RNF180: variants seen among roughly 807,000 people sequenced by gnomAD.
RNF180 encodes ring finger protein 180, also known as E3 ubiquitin-protein ligase RNF180.
RNF180 carries 38 observed loss-of-function variants against 59.2 expected under a neutral mutation model. That is an observed-to-expected ratio of 0.64 (90% CI 0.50 to 0.84). RNF180 has a LOEUF of 0.84. RNF180 is among the 40% of genes least tolerant of loss of function. The pLI, the probability that RNF180 is intolerant of heterozygous loss-of-function variation, is 0.00. For missense variants in RNF180, 705 were observed against 700.9 expected (o/e 1.01, Z -0.07); for synonymous variants, 262 against 240.3 (o/e 1.09, Z -0.84).
chr5:64,174,256 T>C (rs1750108476), intron 1 of RNF180, among the ~76,000 whole-genome samples: 1 of 152,200 alleles, frequency 6.6e-6, no homozygotes, highest in Non-Finnish European at 1.5e-5. Flanking sequence ...TGAATAGTAC[T>C]GTAATAAACA....
At chr5:64,213,322 T>C (rs1423943510) in intron 3 of RNF180, among the ~76,000 whole-genome samples, 2 of 152,182 alleles carry the variant, frequency 1.3e-5, no homozygotes, top group African/African-American at 4.8e-5. Flanking sequence ...CTTAGGAATA[T>C]TGTTTGGATG....
At chr5:64,369,241 A>G (rs1012578036) in intron 7 of RNF180, among the ~76,000 whole-genome samples, 1 of 152,012 alleles carries the variant, frequency 6.6e-6, no homozygotes, top group Non-Finnish European at 1.5e-5. Context: ...GTTCTCACTT[A>G]TAGATGGGAA....
chr5:64,349,535 C>A (rs977388401), intron 7 of RNF180, among the ~76,000 whole-genome samples: 1 of 151,782 alleles, frequency 6.6e-6, no homozygotes, highest in African/African-American at 2.4e-5. Context: ...CACCCATTAA[C>A]TCATCATTTA....
At chr5:64,245,504 A>G (rs1466646378) in intron 5 of RNF180, among the ~76,000 whole-genome samples, 1 of 152,230 alleles carries the variant, frequency 6.6e-6, no homozygotes, top group African/African-American at 2.4e-5. Context: ...ACCAACAGAG[A>G]TCAAAAAAGA....
intron 5 of RNF180, among the ~76,000 whole-genome samples, chr5:64,279,723 T>C (rs969487498): frequency 3.9e-5 from 6 of 152,190 alleles, no homozygotes; most frequent in Non-Finnish European, 8.8e-5. Flanking sequence ...GAGTTATCTT[T>C]AATCCTACTA....
At chr5:64,187,250 A>G (rs1314425980) in intron 1 of RNF180, among the ~76,000 whole-genome samples, 2 of 152,186 alleles carry the variant, frequency 1.3e-5, no homozygotes, top group Admixed American at 1.3e-4. Flanking sequence ...ATGGGACAGG[A>G]TATGAAGTAC....
chr5:64,207,539 A>G (rs1752079224), intron 2 of RNF180, among the ~76,000 whole-genome samples: 1 of 152,176 alleles, frequency 6.6e-6, no homozygotes, highest in South Asian at 2.1e-4. Flanking sequence ...TAAGTCAAAG[A>G]CTTTGATCTT....
At chr5:64,170,088 G>A (rs1749859624) in intron 1 of RNF180, among the ~76,000 whole-genome samples, 2 of 152,224 alleles carry the variant, frequency 1.3e-5, no homozygotes, top group Admixed American at 6.5e-5. Flanking sequence ...GCATGAGGTT[G>A]CCTGTGTATA....
rs562366940 is a variant in RNF180, at chr5:64,261,043, A to G, written c.1227+43647A>G. 1.5e-3 allele frequency among the ~76,000 whole-genome samples: 224 copies of G among 152,172 alleles called. 1 individual carries two copies. Among genetic ancestry groups the G allele is most frequent in the African/African-American group, 5.2e-3 (214 of 41,528 alleles). ...TAATGTTCCAAATAGGAAAAAACCTAAAGAAGATACATTTCTTTGATGTCA... is the reference window on the plus strand; with the variant it reads ...TAATGTTCCAAATAGGAAAAAACCTGAAGAAGATACATTTCTTTGATGTCA... On this transcript the variant is annotated intron_variant, in intron 5 of 7. Coordinates refer to ENST00000389100, the MANE Select transcript of RNF180 (RefSeq NM_001113561.2).
At chr5:64,263,690 A>C (rs931800458) in intron 5 of RNF180, among the ~76,000 whole-genome samples, 1 of 152,066 alleles carries the variant, frequency 6.6e-6, no homozygotes, top group Non-Finnish European at 1.5e-5. Context: ...TATTTTACCT[A>C]ATTTACTTAC....
intron 7 of RNF180, among the ~76,000 whole-genome samples, chr5:64,331,812 C>T (rs1744921406): frequency 6.6e-6 from 1 of 152,158 alleles, no homozygotes; most frequent in Non-Finnish European, 1.5e-5. Flanking sequence ...CTTTGAGGAG[C>T]CCAGATGTAG....
chr5:64,339,954 T>C (rs1305048578), intron 7 of RNF180, among the ~76,000 whole-genome samples: 1 of 152,190 alleles, frequency 6.6e-6, no homozygotes, highest in East Asian at 1.9e-4. Flanking sequence ...ATGTGAGCTA[T>C]CACTCTTTAA....
chr5:64,332,853 AG>A (rs1312302771), intron 7 of RNF180, among the ~76,000 whole-genome samples: 1 of 152,170 alleles, frequency 6.6e-6, no homozygotes, highest in Non-Finnish European at 1.5e-5. Flanking sequence ...CTTCTGCATA[AG>A]ACCAACAAAA....
intron 1 of RNF180, among the ~76,000 whole-genome samples, chr5:64,198,818 A>AT (rs60172784): frequency 0.051 from 7,537 of 146,610 alleles, 475 homozygotes; most frequent in African/African-American, 0.15. Context: ...AAATTAAACA[A>AT]TTTTTTTTTT....
intron 1 of RNF180, among the ~76,000 whole-genome samples, chr5:64,190,058 G>C (rs1751064172): frequency 6.6e-6 from 1 of 152,134 alleles, no homozygotes; most frequent in South Asian, 2.1e-4. Flanking sequence ...CATCTCTTCA[G>C]TTTTAGCAGT....
chr5:64,246,092 G>A (rs563142277), intron 5 of RNF180, among the ~76,000 whole-genome samples: 10 of 151,832 alleles, frequency 6.6e-5, no homozygotes, highest in East Asian at 5.8e-4. Flanking sequence ...TCAACATACC[G>A]GAATTTCTGG....
At chr5:64,287,122 A>G (rs1453996328) in intron 5 of RNF180, among the ~76,000 whole-genome samples, 1 of 152,080 alleles carries the variant, frequency 6.6e-6, no homozygotes, top group African/African-American at 2.4e-5. Flanking sequence ...ACCTGCCACC[A>G]CACCTGGCTG....
At chr5:64,313,400 C>T (rs1168877161) in intron 5 of RNF180, among the ~76,000 whole-genome samples, 1 of 152,036 alleles carries the variant, frequency 6.6e-6, no homozygotes, top group Non-Finnish European at 1.5e-5. Flanking sequence ...TAAATGAGAA[C>T]ATGTGGTATC....
intron 5 of RNF180, among the ~76,000 whole-genome samples, chr5:64,259,505 G>A (rs1362620700): frequency 1.3e-5 from 2 of 152,128 alleles, no homozygotes; most frequent in Non-Finnish European, 2.9e-5. Flanking sequence ...GCTTAGCTCT[G>A]TATCTACTCA....
Sources: allele counts gnomAD v4.1 joint callset (sites outside exome capture counted in the v4.1 genomes callset), GRCh38; gene constraint gnomAD v4.1.1; transcripts MANE v1.5; gene names NCBI Gene and HGNC (gene_info 2026-07-23, HGNC 2026-07-21).